Variants in ADCY2 observed in about 807,000 individuals in gnomAD.
The protein encoded by ADCY2 is adenylate cyclase type 2.
Under a neutral mutation model 125.2 loss-of-function variants are expected in ADCY2, and 31 were observed. The ratio of observed to expected loss-of-function variants is 0.25; its 90% CI spans 0.19 to 0.33. The LOEUF (loss-of-function observed/expected upper bound fraction) is 0.33, where lower values mean the gene tolerates loss of function less well. ADCY2 is among the 10% of genes least tolerant of loss of function. The probability of loss-of-function intolerance (pLI) is 1.00; values close to 1 mark genes in which losing one functional copy is unlikely to be tolerated. For synonymous variants in ADCY2, 512 were observed against 548.4 expected, an observed-to-expected ratio of 0.93 and a Z score of 0.93; for missense variants, 904 against 1,418.2, an observed-to-expected ratio of 0.64 and a Z score of 5.82.
chr5:7,484,782 G>C (rs1278642434), intron 2 of ADCY2, among the ~76,000 whole-genome samples: 1 of 151,926 alleles, frequency 6.6e-6, no homozygotes, highest in East Asian at 1.9e-4. Context: ...TTTCTCTTCT[G>C]CATCCTAAAA....
chr5:7,583,355 G>T (rs553158951), intron 3 of ADCY2, among the ~76,000 whole-genome samples: 3 of 151,950 alleles, frequency 2.0e-5, no homozygotes, highest in African/African-American at 7.2e-5. Flanking sequence ...TATTTATATT[G>T]AAATACAAAG....
chr5:7,437,695 G>A (rs1475979362), intron 2 of ADCY2, among the ~76,000 whole-genome samples: 1 of 152,224 alleles, frequency 6.6e-6, no homozygotes, highest in Non-Finnish European at 1.5e-5. Context: ...TCTGAATGTG[G>A]TGCAGCTCCT....
chr5:7,815,260 A>G (rs1745072182), intron 22 of ADCY2, among the ~76,000 whole-genome samples: 1 of 152,222 alleles, frequency 6.6e-6, no homozygotes, highest in Non-Finnish European at 1.5e-5. Flanking sequence ...ACACAGATTA[A>G]TAGAGCAAAG....
At chr5:7,584,430 T>A (rs1382010024) in intron 3 of ADCY2, among the ~76,000 whole-genome samples, 1 of 152,138 alleles carries the variant, frequency 6.6e-6, no homozygotes, top group Non-Finnish European at 1.5e-5. Context: ...TATTTTTGCA[T>A]AAATACTCAG....
chr5:7,539,610 G>A (rs1052239604), intron 3 of ADCY2, among the ~76,000 whole-genome samples: 3 of 152,320 alleles, frequency 2.0e-5, no homozygotes, highest in South Asian at 2.1e-4. Context: ...TAGGTATTTC[G>A]AGTGAGATTA....
chr5:7,718,063 T>C (rs114512237), intron 12 of ADCY2, among the ~76,000 whole-genome samples: 2,022 of 152,236 alleles, frequency 0.013, 43 homozygotes, highest in African/African-American at 0.046. Flanking sequence ...TAAATGATTT[T>C]CACCTAGAGC....
chr5:7,649,747 C>T (rs4702484), intron 4 of ADCY2, among the ~76,000 whole-genome samples: 20,217 of 152,220 alleles, frequency 0.13, 1,800 homozygotes, highest in Admixed American at 0.27. Flanking sequence ...AGTCCAACTG[C>T]TTAGTATAGT....
chr5:7,658,823 AG>A (rs967349443), intron 4 of ADCY2, among the ~76,000 whole-genome samples: 10 of 152,236 alleles, frequency 6.6e-5, no homozygotes, highest in African/African-American at 2.2e-4. Flanking sequence ...CTGCAGTTCA[AG>A]TTCAAAGCCC....
intron 22 of ADCY2, among the ~76,000 whole-genome samples, chr5:7,806,306 T>C (rs1744759831): frequency 6.6e-6 from 1 of 152,016 alleles, no homozygotes; most frequent in African/African-American, 2.4e-5. Flanking sequence ...TGGAAAACAT[T>C]GACCATTAAA....
intron 14 of ADCY2, among the ~76,000 whole-genome samples, chr5:7,730,028 C>T (rs1742053200): frequency 6.6e-6 from 1 of 152,036 alleles, no homozygotes; most frequent in Admixed American, 6.6e-5. Context: ...ATCCTGCACT[C>T]CTCTCCTACC....
intron 12 of ADCY2, among the ~76,000 whole-genome samples, chr5:7,717,645 A>G (rs1401681606): frequency 6.6e-6 from 1 of 152,220 alleles, no homozygotes; most frequent in Non-Finnish European, 1.5e-5. Flanking sequence ...TCTAAATCCT[A>G]GAAGAGAATT....
intron 15 of ADCY2, among the ~76,000 whole-genome samples, chr5:7,757,008 T>C (rs1238588611): frequency 1.3e-5 from 2 of 152,212 alleles, no homozygotes; most frequent in South Asian, 2.1e-4. Flanking sequence ...GGCTGTATTC[T>C]TGTAATCTGC....
At chr5:7,644,278 C>T (rs1738814816) in intron 4 of ADCY2, among the ~76,000 whole-genome samples, 1 of 152,128 alleles carries the variant, frequency 6.6e-6, no homozygotes, top group South Asian at 2.1e-4. Context: ...CATCCTCCTC[C>T]TTGATTTCCT....
chr5:7,625,475 T>C (rs1225997400), intron 3 of ADCY2, among the ~76,000 whole-genome samples: 5 of 152,228 alleles, frequency 3.3e-5, no homozygotes, highest in Admixed American at 2.6e-4. Context: ...AGGACAATTA[T>C]AGATTATTTT....
chr5:7,601,788 T>C (rs1737214195), intron 3 of ADCY2, among the ~76,000 whole-genome samples: 1 of 152,176 alleles, frequency 6.6e-6, no homozygotes. Context: ...TCCCTCCTGC[T>C]CCCTCAGCAG....
chr5:7,757,667 A>T, intron 16 of ADCY2, 81 bp downstream of exon 16: 1 of 1,276,850 alleles, frequency 7.8e-7, no homozygotes, highest in South Asian at 1.5e-5. Context: ...CCCAGACCAC[A>T]GCCGTGTTCA....
intron 2 of ADCY2, among the ~76,000 whole-genome samples, chr5:7,471,406 T>A (rs1398113460): frequency 6.6e-6 from 1 of 151,966 alleles, no homozygotes; most frequent in Non-Finnish European, 1.5e-5. Context: ...TATTTATACC[T>A]CTTAAAATTT....
At chr5:7,639,951 ATT>A (rs1000255496) in intron 4 of ADCY2, among the ~76,000 whole-genome samples, 1 of 152,026 alleles carries the variant, frequency 6.6e-6, no homozygotes, top group Non-Finnish European at 1.5e-5. Flanking sequence ...TAGACATGGA[ATT>A]TTTTTGTGTT....
At chr5:7,793,029 C>T (rs1041074786) in intron 20 of ADCY2, among the ~76,000 whole-genome samples, 3 of 152,192 alleles carry the variant, frequency 2.0e-5, no homozygotes, top group Non-Finnish European at 4.4e-5. Flanking sequence ...AGTGACTCCT[C>T]CACTTCCCCT....
Sources: allele counts gnomAD v4.1 joint callset (sites outside exome capture counted in the v4.1 genomes callset), GRCh38; gene constraint gnomAD v4.1.1; transcripts MANE v1.5; gene names NCBI Gene and HGNC (gene_info 2026-07-23, HGNC 2026-07-21).